The following INSL6 variants were observed in gnomAD, a reference collection of about 807,000 sequenced individuals.
INSL6 encodes insulin-like peptide INSL6.
INSL6 carries 16 observed loss-of-function variants against 9.4 expected under a neutral mutation model. The observed-to-expected ratio is 1.70, with a 90% CI of 1.15 to 2.59. The LOEUF (loss-of-function observed/expected upper bound fraction) is 2.59, where lower values mean the gene tolerates loss of function less well. INSL6 is among the 30% of genes most tolerant of loss of function. INSL6 has a pLI of 0.00. For missense variants in INSL6, 391 were observed against 257.3 expected (o/e 1.52, Z -3.56); for synonymous variants, 154 against 96.9 (o/e 1.59, Z -3.46).
intron 2 of INSL6, among the ~76,000 whole-genome samples, chr9:5,134,937 A>G (rs1286020897): frequency 3.9e-5 from 6 of 152,166 alleles, no homozygotes; most frequent in Non-Finnish European, 8.8e-5. Context: ...TGTTCAGGAG[A>G]CCCAGCTCAC....
At chr9:4,996,928 C>CTTTTTTTTTTTTTTTTT in the INSL6 span, among the ~76,000 whole-genome samples, 4 of 94,706 alleles carry the variant, frequency 4.2e-5, no homozygotes, top group Non-Finnish European at 6.1e-5. Flanking sequence ...TTAGTTTGTT[C>CTTTTTTTTTTTTTTTTT]TTTTTTTTTT....
chr9:5,150,111 G>T (rs757693239), intron 2 of INSL6, among the ~76,000 whole-genome samples: 1 of 152,146 alleles, frequency 6.6e-6, no homozygotes, highest in Non-Finnish European at 1.5e-5. Flanking sequence ...ATAAATTAAA[G>T]ATTTAAATGT....
At chr9:5,025,778 T>A in the INSL6 span, among the ~76,000 whole-genome samples, 1 of 152,194 alleles carries the variant, frequency 6.6e-6, no homozygotes, top group Non-Finnish European at 1.5e-5. Context: ...GTGATCCACC[T>A]GCCTCGGCCT....
chr9:5,164,640 T>C (rs1825008088), intron 1 of INSL6, among the ~76,000 whole-genome samples: 1 of 152,204 alleles, frequency 6.6e-6, no homozygotes, highest in South Asian at 2.1e-4. Context: ...TCATTTCCAT[T>C]TCCCTCTCCC....
At chr9:5,121,588 A>G (rs1344677935), downstream of INSL6, among the ~76,000 whole-genome samples, 1 of 152,166 alleles carries the variant, frequency 6.6e-6, no homozygotes, top group Admixed American at 6.5e-5. Flanking sequence ...CCCAAGAGAT[A>G]GTTACACGTT....
the INSL6 span, chr9:5,112,081 T>TAGA: frequency 2.6e-6 from 1 of 381,126 alleles, no homozygotes; most frequent in Non-Finnish European, 5.2e-6. Context: ...GAGAGTAAGA[T>TAGA]AGAAGACCAC....
the INSL6 span, among the ~76,000 whole-genome samples, chr9:5,103,144 A>G: frequency 6.9e-6 from 1 of 144,948 alleles, no homozygotes; most frequent in Middle Eastern, 3.3e-3. Context: ...TGTATTCAGG[A>G]GACCAATCTC....
At chr9:5,127,574 T>G (rs1472795956) in intron 3 of INSL6, 2 of 231,566 alleles carry the variant, frequency 8.6e-6, no homozygotes, top group Non-Finnish European at 1.7e-5. Flanking sequence ...TAAATGGAAC[T>G]ATCTCCAAAT....
chr9:5,010,802 C>T, the INSL6 span, among the ~76,000 whole-genome samples: 2 of 152,154 alleles, frequency 1.3e-5, no homozygotes, highest in African/African-American at 4.8e-5. Flanking sequence ...GATGTACTCT[C>T]TCAGCATCCA....
downstream of INSL6, chr9:5,122,968 G>A (rs1189693702): frequency 7.4e-7 from 1 of 1,344,162 alleles, no homozygotes; most frequent in Non-Finnish European, 1.0e-6. Context: ...CACATATCAA[G>A]TAACTGTCTT....
At chr9:5,182,154 G>C (rs1825470203) in intron 1 of INSL6, among the ~76,000 whole-genome samples, 1 of 152,108 alleles carries the variant, frequency 6.6e-6, no homozygotes, top group Admixed American at 6.6e-5. Flanking sequence ...GGGAGTTCAA[G>C]GCTACATAGG....
the INSL6 span, chr9:5,054,855 C>T: frequency 1.9e-6 from 3 of 1,607,556 alleles, no homozygotes; most frequent in Non-Finnish European, 2.5e-6. This position sits in a 1 kb window ranked among gnomAD's most constrained non-coding sequence, Gnocchi z 4.9. Flanking sequence ...AAGAGGGAAA[C>T]ATAAAGAAAG....
chr9:5,184,535 C>G (rs750709195), intron 1 of INSL6, among the ~76,000 whole-genome samples: 2 of 152,206 alleles, frequency 1.3e-5, no homozygotes, highest in Non-Finnish European at 2.9e-5. Context: ...GCTAGGCCAT[C>G]TGCTAAGCAT....
At position 5,137,553 on chromosome 9, in the gene INSL6, T is replaced by C. The variant is rs75310872; in HGVS notation, c.377-3961A>G. Among the ~76,000 whole-genome samples, 84 of 152,318 alleles carry C rather than the reference T, an allele frequency of 5.5e-4. 3 individuals carry two copies. The Middle Eastern group carries it at 0.014, about 25-fold the overall frequency. On this transcript the variant is annotated intron_variant, in intron 2 of 3. Coordinates refer to the INSL6 transcript ENST00000649639. ...CTAGCCATATGCAGAAAGCTGAAAC[T>C]GGATCCCTTCCTTACACCTTATACA...
chr9:5,061,316 C>T, the INSL6 span, among the ~76,000 whole-genome samples: 1 of 152,210 alleles, frequency 6.6e-6, no homozygotes, highest in Non-Finnish European at 1.5e-5. Context: ...CTGTGGAAGT[C>T]CTAGATGGCA....
chr9:5,076,007 A>G, the INSL6 span, among the ~76,000 whole-genome samples: 1 of 152,178 alleles, frequency 6.6e-6, no homozygotes, highest in South Asian at 2.1e-4. Flanking sequence ...ACTTTAATGA[A>G]GGAAGTCACT....
chr9:5,079,837 T>C, the INSL6 span, among the ~76,000 whole-genome samples: 1 of 152,076 alleles, frequency 6.6e-6, no homozygotes, highest in African/African-American at 2.4e-5. Context: ...AATTTTTTTT[T>C]TTTGAAGGTA....
the INSL6 span, chr9:5,084,902 T>G: frequency 2.2e-6 from 1 of 453,620 alleles, no homozygotes. Flanking sequence ...TTAAAATGAT[T>G]TTTGGTTATC....
At chr9:5,117,856 A>G in the INSL6 span, among the ~76,000 whole-genome samples, 1 of 152,208 alleles carries the variant, frequency 6.6e-6, no homozygotes, top group African/African-American at 2.4e-5. Flanking sequence ...AGAGGCTAAT[A>G]GTAGAGAGGC....
Sources: gnomAD v4.1 joint callset for allele counts (sites outside exome capture counted in the v4.1 genomes callset) on GRCh38, gnomAD v4.1.1 for gene constraint, Gnocchi (gnomAD v3.1) non-coding constraint, MANE v1.5 for transcripts, NCBI Gene and HGNC (gene_info 2026-07-23, HGNC 2026-07-21) for gene names.